RNF128: variants seen among roughly 807,000 people sequenced by gnomAD.
The protein encoded by RNF128 is E3 ubiquitin-protein ligase RNF128.
Under a neutral mutation model 26.2 loss-of-function variants are expected in RNF128, and 13 were observed. The ratio of observed to expected loss-of-function variants is 0.50; its 90% CI spans 0.32 to 0.79. The LOEUF (loss-of-function observed/expected upper bound fraction) is 0.79, where lower values mean the gene tolerates loss of function less well. Among genes scored for constraint, RNF128 ranks in the 30% least tolerant of loss-of-function variants. The pLI is 0.03. For synonymous variants in RNF128, 149 were observed against 142.5 expected (o/e 1.05, Z -0.32); for missense variants, 315 against 349.7 (o/e 0.90, Z 0.79).
intron 4 of RNF128, among the ~76,000 whole-genome samples, chrX:106,789,427 A>ACAC (rs1425826044): frequency 1.0e-5 from 1 of 99,627 alleles, no homozygotes; most frequent in Non-Finnish European, 2.0e-5. Flanking sequence ...TACATAATAT[A>ACAC]TAGTATATAT....
chrX:106,708,907 G>A (rs1411644015), intron 1 of RNF128, among the ~76,000 whole-genome samples: 2 of 111,897 alleles, frequency 1.8e-5, no homozygotes, highest in South Asian at 3.8e-4. Flanking sequence ...AAAGAATAAT[G>A]TGATTTGAAT....
chrX:106,795,261 A>G (rs1930894981), intron 6 of RNF128, among the ~76,000 whole-genome samples: 1 of 111,774 alleles, frequency 8.9e-6, no homozygotes, highest in South Asian at 3.7e-4. Context: ...ATGTATAGCC[A>G]GATTTAACAG....
intron 2 of RNF128, among the ~76,000 whole-genome samples, chrX:106,773,781 G>A (rs968735170): frequency 2.7e-5 from 3 of 111,150 alleles, no homozygotes; most frequent in Admixed American, 1.9e-4. Flanking sequence ...AAATACCAAA[G>A]CATTACTGAA....
At chrX:106,774,291 G>A (rs752796382) in intron 2 of RNF128, among the ~76,000 whole-genome samples, 10 of 111,757 alleles carry the variant, frequency 8.9e-5, no homozygotes, top group African/African-American at 1.9e-4. Context: ...CTTCATCTGC[G>A]TCTATCCTAT....
chrX:106,764,847 C>A (rs1930187903), intron 1 of RNF128, among the ~76,000 whole-genome samples: 1 of 111,906 alleles, frequency 8.9e-6, no homozygotes. Context: ...TTAATCACAA[C>A]TTTATTACTA....
intron 1 of RNF128, among the ~76,000 whole-genome samples, chrX:106,746,161 TAAG>T (rs1331953181): frequency 1.8e-5 from 2 of 111,043 alleles, no homozygotes; most frequent in African/African-American, 6.5e-5. Flanking sequence ...TGTAGTTTTA[TAAG>T]AAGAACTACT....
chrX:106,753,697 A>G (rs1021486551), intron 1 of RNF128, among the ~76,000 whole-genome samples: 22 of 111,992 alleles, frequency 2.0e-4, no homozygotes, highest in African/African-American at 7.1e-4. Flanking sequence ...ACTAGCTGCC[A>G]TCCTTAAGAA....
At chrX:106,787,479 G>T (rs959528360) in intron 3 of RNF128, among the ~76,000 whole-genome samples, 3 of 110,758 alleles carry the variant, frequency 2.7e-5, no homozygotes, top group Non-Finnish European at 5.7e-5. Flanking sequence ...GAGTTTGTTG[G>T]GAGTAATAGC....
At chrX:106,740,458 C>T (rs924496182) in intron 1 of RNF128, among the ~76,000 whole-genome samples, 2 of 112,065 alleles carry the variant, frequency 1.8e-5, no homozygotes, top group African/African-American at 6.5e-5. Flanking sequence ...TAAGTCTAGG[C>T]TATGACCTAT....
chrX:106,699,714 G>C (rs889371792), intron 1 of RNF128, among the ~76,000 whole-genome samples: 2 of 111,795 alleles, frequency 1.8e-5, no homozygotes, highest in Non-Finnish European at 3.8e-5. Context: ...TCTGGCCTCT[G>C]CCTATCTCTC....
In RNF128 at chrX:106,788,681, AAT is replaced by A. The variant is rs1164619005; in HGVS notation, c.887+687_887+688del. Among the ~76,000 whole-genome samples the A allele has an allele frequency of 7.4e-5, 5 of 67,470 alleles. No homozygotes were observed. The South Asian group carries it at 3.4e-3, about 46-fold the overall frequency. The allele number at this position is 67,470 out of a possible 115,157, so 58.6% of individuals were successfully genotyped here. A position where few individuals can be genotyped will look rare whatever the true frequency, so the allele number is the denominator to read the frequency against. On this transcript the variant is annotated intron_variant, in intron 4 of 6. Transcript: ENST00000255499. ...ATATATACTATATAATATAGTATAT[AAT>A]ATATAGTTATATATAAATATATTTT...
In RNF128 at chrX:106,785,615, GAGTGC is replaced by G. The variant is rs1930642843; in HGVS notation, c.804+483_804+487del. On this transcript the variant is annotated intron_variant, in intron 3 of 6. Coordinates refer to ENST00000255499, the MANE Select transcript of RNF128 (RefSeq NM_194463.2). Reference sequence around the variant, plus strand: ...GATTCTCCCCTGGTGCCTCCAGAAGGAGTGCAGTATTGCCAATGCCTTGGTTATAG... The same window carrying G: ...GATTCTCCCCTGGTGCCTCCAGAAGGAGTATTGCCAATGCCTTGGTTATAG... Among the ~76,000 whole-genome samples the G allele has an allele frequency of 2.7e-5, 3 of 111,823 alleles. No individual in the cohort carries two copies. In the South Asian group the frequency reaches 1.1e-3, roughly 42 times the overall value.
chrX:106,788,400 AT>A (rs1930715005), intron 4 of RNF128, among the ~76,000 whole-genome samples: 1 of 46,650 alleles, frequency 2.1e-5, no homozygotes, highest in Non-Finnish European at 3.5e-5. Flanking sequence ...TATATATTAT[AT>A]ATAATATATA....
At chrX:106,719,709 AATAT>A (rs1270230037) in intron 1 of RNF128, among the ~76,000 whole-genome samples, 2 of 111,055 alleles carry the variant, frequency 1.8e-5, no homozygotes, top group African/African-American at 3.3e-5. Context: ...AGTGATTCAA[AATAT>A]ATCTGTTCAA....
chrX:106,762,285 C>T (rs753123809), intron 1 of RNF128, among the ~76,000 whole-genome samples: 9 of 110,341 alleles, frequency 8.2e-5, no homozygotes, highest in Non-Finnish European at 1.7e-4. Flanking sequence ...CTCCCCAGCC[C>T]CTGGTAATCA....
At chrX:106,777,067 TG>T (rs1277725201) in intron 2 of RNF128, among the ~76,000 whole-genome samples, 15 of 111,885 alleles carry the variant, frequency 1.3e-4, no homozygotes, top group African/African-American at 4.2e-4. Context: ...GGATTTTTTT[TG>T]TAACCAAACC....
At chrX:106,773,329 T>G (rs1325120502) in intron 2 of RNF128, among the ~76,000 whole-genome samples, 169 bp downstream of exon 2, 1 of 111,985 alleles carries the variant, frequency 8.9e-6, no homozygotes, top group Non-Finnish European at 1.9e-5. Flanking sequence ...AGGTTTATTT[T>G]CTATATTTGT....
At chrX:106,721,620 T>C (rs939335607) in intron 1 of RNF128, among the ~76,000 whole-genome samples, 1 of 111,782 alleles carries the variant, frequency 8.9e-6, no homozygotes, top group Non-Finnish European at 1.9e-5. Flanking sequence ...GGCCCATATA[T>C]ATCCTGGCCC....
At chrX:106,734,437 A>G (rs1929553752) in intron 1 of RNF128, among the ~76,000 whole-genome samples, 1 of 109,876 alleles carries the variant, frequency 9.1e-6, no homozygotes, top group African/African-American at 3.3e-5. Context: ...TTCTTTTTTT[A>G]TGTCTTCTTC....
Sources: gnomAD v4.1 joint callset for allele counts (sites outside exome capture counted in the v4.1 genomes callset) on GRCh38, gnomAD v4.1.1 for gene constraint, MANE v1.5 for transcripts, NCBI Gene and HGNC (gene_info 2026-07-23, HGNC 2026-07-21) for gene names.